The following CASC3 variants were observed in gnomAD, a reference collection of about 807,000 sequenced individuals.
The protein encoded by CASC3 is CASC3 exon junction complex subunit, also known as protein CASC3.
A neutral mutation model predicts 80.5 loss-of-function variants in CASC3; 30 were observed. The ratio of observed to expected loss-of-function variants is 0.37; its 90% CI spans 0.28 to 0.51. CASC3 has a LOEUF of 0.51. Ranked by LOEUF, CASC3 falls within the 20% of genes least tolerant of loss-of-function variation. The pLI is 0.94. For synonymous variants in CASC3, 312 were observed against 333.6 expected, an observed-to-expected ratio of 0.94 and a Z score of 0.70; for missense variants, 824 against 922.2, an observed-to-expected ratio of 0.89 and a Z score of 1.38.
intron 6 of CASC3, 105 bp downstream of exon 6, chr17:40,163,006 A>G: frequency 1.1e-6 from 1 of 947,584 alleles, no homozygotes; most frequent in Non-Finnish European, 1.6e-6. Flanking sequence ...GGATTGCTTG[A>G]GGCCAGGAGT....
chr17:40,167,911 C>T lies in CASC3; in HGVS notation c.1713C>T (p.Gly571=). 1 of 1,614,154 alleles carries T rather than the reference C, an allele frequency of 6.2e-7. No homozygotes were observed. The highest frequency in any genetic ancestry group is 1.1e-5 in the South Asian group (1 of 91,090). ...GCCCTGCCCCGCTGCCTCCACAGGGCATGCTTGTGCAGCCAGGAATGAACC... is the reference window on the plus strand; with the variant it reads ...GCCCTGCCCCGCTGCCTCCACAGGGTATGCTTGTGCAGCCAGGAATGAACC... The part of the protein sequence containing the change: ...GDSPAPLPPQ[G]MLVQPGMNLP... Residue 571 remains glycine, a synonymous_variant, in exon 10 of 14, where the codon GGC becomes GGT. Transcript: ENST00000264645.
At chr17:40,169,742 CTTTTTTTTTTTTTTTT>C (rs56186811) in intron 13 of CASC3, 80 bp downstream of exon 13, 33 of 96,492 alleles carry the variant, frequency 3.4e-4, no homozygotes, top group Middle Eastern at 4.7e-3. Flanking sequence ...TTAATTAATG[CTTTTTTTTTTTTTTTT>C]TTTTTTTTTT....
At position 40,169,481 on chromosome 17, in the gene CASC3, CTCCG is replaced by C. The variant is rs772678184; in HGVS notation, c.2088+38_2088+41del. On this transcript the variant is annotated intron_variant, in intron 12 of 13. Coordinates refer to ENST00000264645, the MANE Select transcript of CASC3 (RefSeq NM_007359.5). ...TTCCTTCCTATACTTAATGCACATG[CTCCG>C]TCAGTGGGCTTTCCTTCTCCCCAGA... 3 of 1,587,814 alleles carry C rather than the reference CTCCG, an allele frequency of 1.9e-6. No individual in the cohort carries two copies. In the African/African-American group the frequency reaches 4.1e-5, roughly 22 times the overall value.
intron 1 of CASC3, 136 bp downstream of exon 1, chr17:40,140,915 T>G (rs1988697059): frequency 2.8e-6 from 2 of 718,034 alleles, no homozygotes; most frequent in Non-Finnish European, 4.5e-6. Context: ...AAAAGGGGAG[T>G]TATCCCAATG....
At chr17:40,153,659 CTTG>C (rs1382472318) in intron 3 of CASC3, among the ~76,000 whole-genome samples, 3 of 152,116 alleles carry the variant, frequency 2.0e-5, no homozygotes, top group East Asian at 1.9e-4. Flanking sequence ...CTTAACAGCA[CTTG>C]TTGTGTTATT....
At chr17:40,149,787 C>T (rs954208522) in intron 3 of CASC3, among the ~76,000 whole-genome samples, 23 of 151,826 alleles carry the variant, frequency 1.5e-4, no homozygotes, top group Non-Finnish European at 2.9e-4. Flanking sequence ...GGGCAGATCA[C>T]GAGGTCAGGA....
rs759118559 is a variant in CASC3, at chr17:40,168,197, A to G, written c.1751-6A>G. 1 of 1,612,952 alleles carries G rather than the reference A, an allele frequency of 6.2e-7. No homozygotes were observed. ...ATTTTTCAGTTTTTTTCTTCTCCTT[A>G]TCCAGGTTTACATCCCCACCAGACA... is the stretch of plus-strand genomic sequence containing the variant. On this transcript the variant is annotated splice_polypyrimidine_tract_variant and splice_region_variant and intron_variant, in intron 10 of 13. Transcript: ENST00000264645.
At chr17:40,147,806 TG>T (rs1205028007) in intron 3 of CASC3, among the ~76,000 whole-genome samples, 1 of 152,212 alleles carries the variant, frequency 6.6e-6, no homozygotes, top group Admixed American at 6.5e-5. Flanking sequence ...TTTTAGGTGG[TG>T]ATACCTGGTA....
chr17:40,163,795 A>G lies in CASC3; in HGVS notation c.1100A>G (p.Asp367Gly), dbSNP rs769286027. 18 of 1,614,034 alleles carry G rather than the reference A, an allele frequency of 1.1e-5. No homozygotes were observed. The African/African-American group carries it at 1.3e-4, about 12-fold the overall frequency. The stretch of plus-strand genomic sequence containing the variant: ...GTGAGGGATCCATCTCCAGAAGCAG[A>G]TGCTCCAGTGCTTGGCAGTCCTGAG... ...TSVRDPSPEA[D>G]APVLGSPEKE... The change falls in exon 7 of 14, where the codon GAT (aspartate) becomes GGT (glycine). Residue 367 changes from aspartate to glycine, a missense_variant. Transcript: ENST00000264645.
chr17:40,144,863 T>G (rs1456979460), intron 3 of CASC3, among the ~76,000 whole-genome samples: 1 of 145,862 alleles, frequency 6.9e-6, no homozygotes, highest in East Asian at 2.0e-4. Flanking sequence ...AAAATTAAGT[T>G]TTTTTTTTTT....
rs1488408286 is a variant in CASC3 at position 40,169,383 on chromosome 17, G to A, written c.2025G>A (p.Gln675=). 1 of 1,612,870 alleles carries A rather than the reference G, an allele frequency of 6.2e-7. No individual in the cohort carries two copies. The highest frequency in any genetic ancestry group is 1.7e-5 in the Admixed American group (1 of 59,746). The change falls in exon 12 of 14, where the codon CAG becomes CAA. Residue 675 remains glutamine (Q), a synonymous_variant. Coordinates refer to ENST00000264645, the MANE Select transcript of CASC3 (RefSeq NM_007359.5). ...ATAACCCCGCCCAGCAGCAGGTGCA[G>A]CCAAAGCCCTCCCCACCCCGGAGGA... ...TYYNPAQQQV[Q]PKPSPPRRTP...
rs750087028 is a variant in CASC3, at chr17:40,167,521, A to G, written c.1560A>G (p.Lys520=). 2 of 1,614,038 alleles carry G rather than the reference A, an allele frequency of 1.2e-6. No homozygotes were observed. Among genetic ancestry groups the G allele is most frequent in the Non-Finnish European group, 1.7e-6 (2 of 1,179,982 alleles). Reference sequence around the variant, plus strand: ...AGGGTGTCCAGGGTGGTCGAGCCAAACGCTATTCATCCCAGCGGCAAAGAC... The same window carrying G: ...AGGGTGTCCAGGGTGGTCGAGCCAAGCGCTATTCATCCCAGCGGCAAAGAC... ...EEMGVQGGRA[K]RYSSQRQRPV... The change falls in exon 9 of 14, where the codon AAA becomes AAG. Residue 520 remains lysine (K), a synonymous_variant. Transcript: ENST00000264645.
In CASC3 at chr17:40,171,186, G is replaced by T; in HGVS notation, c.*781G>T. ...GGAGTCTGAGCATCCATCAATACCTGTACTATGATGGGCTTCTGTTCTCTG... is the reference window on the plus strand; with the variant it reads ...GGAGTCTGAGCATCCATCAATACCTTTACTATGATGGGCTTCTGTTCTCTG... On this transcript the variant is annotated 3_prime_UTR_variant, in exon 14 of 14. Coordinates refer to ENST00000264645, the MANE Select transcript of CASC3 (RefSeq NM_007359.5). 1 of 985,982 alleles carries T rather than the reference G, an allele frequency of 1.0e-6. No homozygotes were observed. Among genetic ancestry groups the T allele is most frequent in the Non-Finnish European group, 1.2e-6 (1 of 829,942 alleles). 61.1% of individuals were successfully genotyped at this position (985,982 alleles called of 1,614,324 possible).
At chr17:40,154,288 C>T (rs1040154568) in intron 3 of CASC3, among the ~76,000 whole-genome samples, 24 of 152,076 alleles carry the variant, frequency 1.6e-4, no homozygotes, top group Admixed American at 1.6e-3. Context: ...CTCAAGCAAG[C>T]AGTCTTCCCA....
chr17:40,142,732 CA>C (rs530289190), intron 3 of CASC3, among the ~76,000 whole-genome samples: 1 of 150,346 alleles, frequency 6.7e-6, no homozygotes, highest in Non-Finnish European at 1.5e-5. Flanking sequence ...ACTAAAAATA[CA>C]AAAAAAAATA....
rs73306851 is a variant in CASC3, at chr17:40,171,324, A to G, written c.*919A>G. The stretch of plus-strand genomic sequence containing the variant: ...AGGGGTGTGTATTCACATAGTCCTC[A>G]GGGCTCAGTCTTTTGAGGTAAGTGG... On this transcript the variant is annotated 3_prime_UTR_variant, in exon 14 of 14. Transcript: ENST00000264645. 1,574 of 986,030 alleles carry G rather than the reference A, an allele frequency of 1.6e-3. 22 individuals carry two copies. In the African/African-American group the frequency reaches 0.025, roughly 16 times the overall value. The allele number at this position is 986,030 out of a possible 1,614,324, so 61.1% of individuals were successfully genotyped here.
rs1989586403 is a variant in CASC3 at position 40,171,242 on chromosome 17, A to G, written c.*837A>G. ...GGCCAATACCCTACTGTGGGGAGAGATGGCACACCAGATGCTTTTGTGAGA... is the reference window on the plus strand; with the variant it reads ...GGCCAATACCCTACTGTGGGGAGAGGTGGCACACCAGATGCTTTTGTGAGA... On this transcript the variant is annotated 3_prime_UTR_variant, in exon 14 of 14. Transcript: ENST00000264645. The G allele has an allele frequency of 1.0e-6, 1 of 985,790 alleles. No homozygotes were observed. Among genetic ancestry groups the G allele is most frequent in the Non-Finnish European group, 1.2e-6 (1 of 829,966 alleles). 61.1% of individuals were successfully genotyped at this position (985,790 alleles called of 1,614,324 possible). A position where few individuals can be genotyped will look rare whatever the true frequency, so the allele number is the denominator to read the frequency against.
At chr17:40,170,402 C>T in intron 13 of CASC3, 45 bp from the exon 14 acceptor site, 3 of 984,992 alleles carry the variant, frequency 3.0e-6, no homozygotes, top group Non-Finnish European at 3.6e-6. Flanking sequence ...CCCAGAAGGC[C>T]CACTAACACT....
chr17:40,140,820 G>A, intron 1 of CASC3, 41 bp downstream of exon 1: 1 of 891,178 alleles, frequency 1.1e-6, no homozygotes, highest in Non-Finnish European at 1.6e-6. Context: ...ACCGGGCGGC[G>A]AGCCGGCCGG....
Sources: allele counts gnomAD v4.1 joint callset (sites outside exome capture counted in the v4.1 genomes callset), GRCh38; gene constraint gnomAD v4.1.1; transcripts MANE v1.5; gene names NCBI Gene and HGNC (gene_info 2026-07-23, HGNC 2026-07-21).